AR: variants seen among roughly 807,000 people sequenced by gnomAD.
AR encodes the protein androgen receptor.
In AR, 8 loss-of-function variants were observed where a neutral mutation model predicts 53.9. The observed-to-expected ratio is 0.15, with a 90% CI of 0.09 to 0.27. The LOEUF (loss-of-function observed/expected upper bound fraction) is 0.27. AR is among the 10% of genes least tolerant of loss of function. The pLI is 1.00. For missense variants in AR, 639 were observed against 742.5 expected (o/e 0.86, Z 1.62); for synonymous variants, 359 against 316.4 (o/e 1.13, Z -1.43).
intron 1 of AR, among the ~76,000 whole-genome samples, chrX:67,592,629 A>G (rs1922884531): frequency 1.2e-5 from 1 of 84,553 alleles, no homozygotes; most frequent in East Asian, 4.7e-4. Flanking sequence ...TTTTAGGAAT[A>G]TTCCCAGAAA....
intron 1 of AR, among the ~76,000 whole-genome samples, chrX:67,624,936 A>G (rs907906668): frequency 5.1e-5 from 4 of 78,545 alleles, no homozygotes; most frequent in Non-Finnish European, 1.1e-4. Flanking sequence ...AAAAAAAAAG[A>G]AAGAGGTAAA....
chrX:67,605,733 A>G (rs1039122316), intron 1 of AR, among the ~76,000 whole-genome samples: 2 of 112,416 alleles, frequency 1.8e-5, no homozygotes, highest in Non-Finnish European at 3.8e-5. Flanking sequence ...GCCAAGCAGC[A>G]GAAAGAGTAA....
Position 67,709,464 on chromosome X carries a change from G to A in AR, c.1886-1938G>A, listed in dbSNP as rs1305434269. Among the ~76,000 whole-genome samples, 3 of 112,555 alleles carry A rather than the reference G, an allele frequency of 2.7e-5. No individual in the cohort carries two copies. In the Admixed American group the frequency reaches 2.8e-4, roughly 10 times the overall value. ...CAGGTGTGGGATATAATCTCCTGGT[G>A]TGCCGTTTGCTAAGACCATTGGAAA... On this transcript the variant is annotated intron_variant, in intron 3 of 7. Coordinates refer to ENST00000374690, the MANE Select transcript of AR (RefSeq NM_000044.6).
At chrX:67,722,657 C>T in intron 6 of AR, 170 bp from the exon 7 acceptor site, 2 of 536,494 alleles carry the variant, frequency 3.7e-6, no homozygotes, top group Admixed American at 5.8e-5. Context: ...CCTGAGATCT[C>T]CCTGACAGAC....
intron 1 of AR, among the ~76,000 whole-genome samples, chrX:67,558,700 T>C (rs1921164206): frequency 8.9e-6 from 1 of 111,833 alleles, no homozygotes; most frequent in Non-Finnish European, 1.9e-5. Context: ...GGCCTAGAGA[T>C]CCCAAGGAGG....
In AR at chrX:67,724,185, T is replaced by C; in HGVS notation, c.*344T>C. On this transcript the variant is annotated 3_prime_UTR_variant, in exon 8 of 8. Transcript: ENST00000374690. Reference sequence around the variant, plus strand: ...GTTGTGCTTGTTTACAGCACTACTCTGTGCCAGCCACACAAACGTTTACTT... The same window carrying C: ...GTTGTGCTTGTTTACAGCACTACTCCGTGCCAGCCACACAAACGTTTACTT... The C allele has an allele frequency of 9.0e-6, 2 of 223,106 alleles. No individual in the cohort carries two copies. The highest frequency in any genetic ancestry group is 1.6e-5 in the Non-Finnish European group (2 of 123,441). 18.4% of individuals were successfully genotyped at this position (223,106 alleles called of 1,213,427 possible).
chrX:67,608,471 A>G (rs1394905045), intron 1 of AR, among the ~76,000 whole-genome samples: 1 of 111,791 alleles, frequency 8.9e-6, no homozygotes, highest in African/African-American at 3.3e-5. Context: ...TTAGGGACAG[A>G]AATGTTAGGA....
intron 2 of AR, among the ~76,000 whole-genome samples, chrX:67,666,056 G>C (rs908334228): frequency 9.0e-6 from 1 of 111,283 alleles, no homozygotes; most frequent in Non-Finnish European, 1.9e-5. Flanking sequence ...TCCTTTCTTT[G>C]TGATACAAAC....
chrX:67,694,854 G>A (rs1185128314), intron 3 of AR: 42 of 1,078,478 alleles, frequency 3.9e-5, no homozygotes, highest in Non-Finnish European at 4.9e-5. Flanking sequence ...GTTGGGGTTG[G>A]GGGCTACTCT....
chrX:67,631,499 T>G (rs2147415417), intron 1 of AR, among the ~76,000 whole-genome samples: 1 of 112,237 alleles, frequency 8.9e-6, no homozygotes, highest in South Asian at 3.7e-4. Context: ...ATCAGCTCCT[T>G]TAAGCACTTC....
In AR at chrX:67,678,937, A is replaced by C. The variant is rs775465193; in HGVS notation, c.1769-7073A>C. Among the ~76,000 whole-genome samples the C allele has an allele frequency of 3.6e-5, 4 of 111,804 alleles. No individual in the cohort carries two copies. In the East Asian group the frequency reaches 1.1e-3, roughly 32 times the overall value. On this transcript the variant is annotated intron_variant, in intron 2 of 7. Coordinates refer to ENST00000374690, the MANE Select transcript of AR (RefSeq NM_000044.6). ...AGGGTACAATGTGTCAGTTATATAGAAGGAATAAGTTATATTGAACTATTG... is the reference window on the plus strand; with the variant it reads ...AGGGTACAATGTGTCAGTTATATAGCAGGAATAAGTTATATTGAACTATTG...
At chrX:67,694,490 C>A (rs1447251739) in intron 3 of AR, among the ~76,000 whole-genome samples, 1 of 110,699 alleles carries the variant, frequency 9.0e-6, no homozygotes, top group Non-Finnish European at 1.9e-5. Context: ...CATCTCACTT[C>A]TGTCTTACAA....
intron 1 of AR, among the ~76,000 whole-genome samples, chrX:67,628,496 G>T (rs1398085011): frequency 9.2e-6 from 1 of 108,374 alleles, no homozygotes; most frequent in African/African-American, 3.3e-5. Flanking sequence ...TGTATCCTGA[G>T]ACTTTGCTGA....
At chrX:67,640,368 T>G (rs1925681934) in intron 1 of AR, among the ~76,000 whole-genome samples, 1 of 111,479 alleles carries the variant, frequency 9.0e-6, no homozygotes, top group Non-Finnish European at 1.9e-5. Flanking sequence ...CTTTTTCTGT[T>G]GTTTGGAATA....
intron 1 of AR, 31 bp from the exon 2 acceptor site, chrX:67,643,223 CAT>C (rs765901634): frequency 8.3e-7 from 1 of 1,209,643 alleles, no homozygotes; most frequent in Non-Finnish European, 1.1e-6. Flanking sequence ...CATTCAGTGA[CAT>C]GTGTTGCATT....
At chrX:67,612,878 G>T (rs1446422828) in intron 1 of AR, among the ~76,000 whole-genome samples, 1 of 111,892 alleles carries the variant, frequency 8.9e-6, no homozygotes, top group Non-Finnish European at 1.9e-5. Context: ...GAAGATGGAG[G>T]CTTCCTCTCT....
In AR at chrX:67,643,284, C is replaced by T. The variant is rs137852588; in HGVS notation, c.1645C>T (p.Pro549Ser). 8.3e-7 allele frequency: 1 copy of T among 1,211,347 alleles called. No individual in the cohort carries two copies. The highest frequency in any genetic ancestry group is 1.1e-6 in the Non-Finnish European group (1 of 895,263). ...RLETARDHVL[P>S]IDYYFPPQKT... The stretch of plus-strand genomic sequence containing the variant: ...GGAGACTGCCAGGGACCATGTTTTG[C>T]CCATTGACTATTACTTTCCACCCCA... Residue 549 changes from proline (P) to serine (S), a missense_variant, in exon 2 of 8, where the codon CCC (proline) becomes TCC (serine). Transcript: ENST00000374690.
chrX:67,695,212 T>C, intron 3 of AR: 1 of 755,460 alleles, frequency 1.3e-6, no homozygotes, highest in Non-Finnish European at 1.6e-6. Context: ...CATCTTTATT[T>C]GTGTATTAGG....
intron 2 of AR, among the ~76,000 whole-genome samples, chrX:67,669,853 G>T (rs1156494260): frequency 9.2e-6 from 1 of 109,181 alleles, no homozygotes; most frequent in Non-Finnish European, 1.9e-5. Context: ...TCGGATATTA[G>T]TATTGCTGCT....
Sources: allele counts gnomAD v4.1 joint callset (sites outside exome capture counted in the v4.1 genomes callset), GRCh38; gene constraint gnomAD v4.1.1; transcripts MANE v1.5; gene names NCBI Gene and HGNC (gene_info 2026-07-23, HGNC 2026-07-21).